The following ATP2A2 variants were observed in gnomAD, a reference collection of about 807,000 sequenced individuals.
ATP2A2 encodes sarcoplasmic/endoplasmic reticulum calcium ATPase 2.
A neutral mutation model predicts 109.3 loss-of-function variants in ATP2A2; 14 were observed. The ratio of observed to expected loss-of-function variants is 0.13; its 90% CI spans 0.08 to 0.20. ATP2A2 has a LOEUF of 0.20. ATP2A2 is among the 10% of genes least tolerant of loss of function. ATP2A2 has a pLI of 1.00. For missense variants in ATP2A2, 657 were observed against 1,321.6 expected (o/e 0.50, Z 7.80); for synonymous variants, 506 against 490.9 (o/e 1.03, Z -0.41).
At chr12:110,307,957 A>G (rs2137756690) in intron 5 of ATP2A2, among the ~76,000 whole-genome samples, 1 of 152,312 alleles carries the variant, frequency 6.6e-6, no homozygotes, top group Non-Finnish European at 1.5e-5. Flanking sequence ...GTTTTCTTCT[A>G]GGATATTTAC....
At position 110,342,467 on chromosome 12, in the gene ATP2A2, A is replaced by G. The variant is rs761117148; in HGVS notation, c.2318+19A>G. 6.2e-6 allele frequency: 10 copies of G among 1,610,464 alleles called. No homozygotes were observed. The highest frequency in any genetic ancestry group is 2.0e-4 in the Middle Eastern group (1 of 5,042). The stretch of plus-strand genomic sequence containing the variant: ...TTGTCTGGTAGGTCTCTGTGACAGC[A>G]TCACTTACTGTACGCCTTTATCTAA... On this transcript the variant is annotated intron_variant, in intron 15 of 19. Transcript: ENST00000539276. The surrounding 1 kb of genome is among the most constrained non-coding windows in gnomAD (Gnocchi z 4.6).
In ATP2A2 at chr12:110,338,443, C is replaced by T. The variant is rs189064768; in HGVS notation, c.1420-838C>T. ...CAGTGTCATTATACTGAATGGTATT[C>T]CTTGTCTCCCTTCAGCCAATGCTTT... On this transcript the variant is annotated intron_variant, in intron 11 of 19. Coordinates refer to ENST00000539276, the MANE Select transcript of ATP2A2 (RefSeq NM_170665.4). 3.7e-3 allele frequency among the ~76,000 whole-genome samples: 569 copies of T among 152,268 alleles called. 6 individuals carry two copies. Among genetic ancestry groups the T allele is most frequent in the Non-Finnish European group, 6.3e-3 (427 of 68,026 alleles).
At chr12:110,335,313 A>G (rs1312385557) in intron 11 of ATP2A2, among the ~76,000 whole-genome samples, 1 of 152,220 alleles carries the variant, frequency 6.6e-6, no homozygotes, top group Non-Finnish European at 1.5e-5. Context: ...TTGAGTCTCT[A>G]GCACCTGGGT....
rs779836695 is a variant in ATP2A2, at chr12:110,346,391, C to T, written c.3050C>T (p.Pro1017Leu). 1.9e-6 allele frequency: 3 copies of T among 1,614,034 alleles called. No homozygotes were observed. The highest frequency in any genetic ancestry group is 1.3e-5 in the African/African-American group (1 of 74,906). Reference protein sequence around the residue: ...FSACTDGISWPFVLLIMPLVI... With the variant: ...FSACTDGISWLFVLLIMPLVI... ...GCATGCACCGATGGGATTTCCTGGCCGTTTGTGCTGCTCATAATGCCCCTG... is the reference window on the plus strand; with the variant it reads ...GCATGCACCGATGGGATTTCCTGGCTGTTTGTGCTGCTCATAATGCCCCTG... Residue 1017 changes from proline to leucine, a missense_variant, in exon 20 of 20, where the codon CCG becomes CTG. Coordinates refer to ENST00000539276, the MANE Select transcript of ATP2A2 (RefSeq NM_170665.4).
rs752498162 is a variant in ATP2A2, at chr12:110,332,651, A to G, written c.1150A>G (p.Ile384Val). 6 of 1,613,638 alleles carry G rather than the reference A, an allele frequency of 3.7e-6. No homozygotes were observed. The highest frequency in any genetic ancestry group is 3.3e-5 in the Admixed American group (2 of 60,010). ...GDTCSLNEFT[I>V]TGSTYAPIGE... ...TACTTGTTCCCTTAATGAGTTTACC[A>G]TAACTGGATCAACTTATGCACCTAT... Residue 384 changes from isoleucine (I) to valine (V), a missense_variant, in exon 9 of 20, where the codon ATA becomes GTA. This residue lies in a region of ATP2A2 where 46 missense variants were observed against 62.0 expected (regional missense o/e 0.74). Transcript: ENST00000539276.
At chr12:110,312,597 C>G (rs1388268841) in intron 5 of ATP2A2, among the ~76,000 whole-genome samples, 1 of 151,942 alleles carries the variant, frequency 6.6e-6, no homozygotes, top group African/African-American at 2.4e-5. Flanking sequence ...TGCCTGTAAT[C>G]CCAGCAATTT....
intron 5 of ATP2A2, among the ~76,000 whole-genome samples, chr12:110,300,505 C>T (rs1166740667): frequency 6.6e-6 from 1 of 151,552 alleles, no homozygotes; most frequent in Non-Finnish European, 1.5e-5. Context: ...CAGGTGCCCA[C>T]CAACACTCCC....
chr12:110,298,226 C>T (rs1159192969), intron 5 of ATP2A2, among the ~76,000 whole-genome samples: 1 of 152,152 alleles, frequency 6.6e-6, no homozygotes, highest in Non-Finnish European at 1.5e-5. Context: ...TTGCCTTGTC[C>T]TATTCTCTCA....
chr12:110,309,157 T>TTTTTTTTTTTTTTTTG (rs1875715193), intron 5 of ATP2A2, among the ~76,000 whole-genome samples: 1 of 121,466 alleles, frequency 8.2e-6, no homozygotes, highest in Non-Finnish European at 1.8e-5. Context: ...TTTTTTTTTT[T>TTTTTTTTTTTTTTTTG]TTTTTTTTTT....
In ATP2A2 at chr12:110,345,119, C is replaced by G. The variant is rs985435829; in HGVS notation, c.2608-130C>G. ...TGATTCTGAAGGACCAGGGCTTCTC[C>G]GAGAAATTGGGGTAAACCTCTTGGC... is the stretch of plus-strand genomic sequence containing the variant. On this transcript the variant is annotated intron_variant, in intron 17 of 19. Transcript: ENST00000539276. The G allele has an allele frequency of 2.6e-6, 4 of 1,523,882 alleles. No homozygotes were observed. The African/African-American group carries it at 5.5e-5, about 21-fold the overall frequency. 94.4% of individuals were successfully genotyped at this position (1,523,882 alleles called of 1,614,324 possible). A position where few individuals can be genotyped will look rare whatever the true frequency, so the allele number is the denominator to read the frequency against.
intron 5 of ATP2A2, among the ~76,000 whole-genome samples, chr12:110,317,801 T>A (rs939139099): frequency 1.3e-5 from 2 of 152,250 alleles, no homozygotes; most frequent in African/African-American, 2.4e-5. Flanking sequence ...GATAATTTAA[T>A]GAACTCTTAC....
intron 5 of ATP2A2, among the ~76,000 whole-genome samples, chr12:110,309,863 T>G (rs1352907522): frequency 1.3e-5 from 2 of 150,896 alleles, no homozygotes; most frequent in African/African-American, 4.9e-5. Context: ...GAGCTGAAAT[T>G]AAGCCACTGC....
chr12:110,315,397 T>A (rs558407734), intron 5 of ATP2A2, among the ~76,000 whole-genome samples: 1 of 152,362 alleles, frequency 6.6e-6, no homozygotes, highest in South Asian at 2.1e-4. Flanking sequence ...GTCATTTTTT[T>A]AGTCAGTTCA....
intron 5 of ATP2A2, among the ~76,000 whole-genome samples, chr12:110,320,836 G>A (rs779385466): frequency 1.1e-4 from 16 of 152,158 alleles, no homozygotes; most frequent in Non-Finnish European, 1.8e-4. Context: ...TTAGGCTATA[G>A]CATTGTTTTT....
rs957125017 is a variant in ATP2A2, at chr12:110,339,945, A to G, written c.1761+224A>G. 2.6e-5 allele frequency among the ~76,000 whole-genome samples: 4 copies of G among 152,250 alleles called. No homozygotes were observed. The highest frequency in any genetic ancestry group is 4.4e-5 in the Non-Finnish European group (3 of 68,048). Reference sequence around the variant, plus strand: ...TATTTTCAAAGTAGAATATTTTCAAAGTAGAATAATCAAGATGAGCTTAAG... The same window carrying G: ...TATTTTCAAAGTAGAATATTTTCAAGGTAGAATAATCAAGATGAGCTTAAG... On this transcript the variant is annotated intron_variant, in intron 13 of 19. Transcript: ENST00000539276. The surrounding 1 kb of genome is among the most constrained non-coding windows in gnomAD (Gnocchi z 4.4).
chr12:110,298,577 G>A (rs1874216050), intron 5 of ATP2A2, among the ~76,000 whole-genome samples: 1 of 152,152 alleles, frequency 6.6e-6, no homozygotes, highest in Non-Finnish European at 1.5e-5. Context: ...AATCAGCTGG[G>A]CATGGTGGCT....
intron 5 of ATP2A2, among the ~76,000 whole-genome samples, chr12:110,318,214 T>C (rs1876869841): frequency 6.6e-6 from 1 of 152,204 alleles, no homozygotes; most frequent in South Asian, 2.1e-4. Flanking sequence ...TTGAAAAGTA[T>C]TCGGTGGACC....
At chr12:110,334,223 C>T in intron 11 of ATP2A2, 80 bp downstream of exon 11, 4 of 1,556,562 alleles carry the variant, frequency 2.6e-6, no homozygotes, top group Non-Finnish European at 2.6e-6. Context: ...CTGTCCTACT[C>T]TCTTAGAAAA....
At chr12:110,296,935 C>T (rs1555277552) in intron 5 of ATP2A2, among the ~76,000 whole-genome samples, 198 bp downstream of exon 5, 1 of 152,124 alleles carries the variant, frequency 6.6e-6, no homozygotes, top group Non-Finnish European at 1.5e-5. Context: ...ATTGATAAGG[C>T]TTTTGGTTTT....
Sources: gnomAD v4.1 joint callset for allele counts (sites outside exome capture counted in the v4.1 genomes callset) on GRCh38, gnomAD v4.1.1 for gene constraint, gnomAD v4.1.1 regional missense constraint, Gnocchi (gnomAD v3.1) non-coding constraint, MANE v1.5 for transcripts, NCBI Gene and HGNC (gene_info 2026-07-23, HGNC 2026-07-21) for gene names.